ZNF385D: variants seen among roughly 807,000 people sequenced by gnomAD.
The protein encoded by ZNF385D is zinc finger protein 385D, also known as zinc finger protein 659.
A neutral mutation model predicts 35.8 loss-of-function variants in ZNF385D; 15 were observed. The observed-to-expected ratio is 0.42, with a 90% CI of 0.28 to 0.64. The LOEUF is 0.64. ZNF385D is among the 30% of genes least tolerant of loss of function. The probability of loss-of-function intolerance (pLI) is 0.23; values close to 1 mark genes in which losing one functional copy is unlikely to be tolerated. For missense variants in ZNF385D, 474 were observed against 494.6 expected (o/e 0.96, Z 0.39); for synonymous variants, 212 against 186.8 (o/e 1.13, Z -1.10).
intron 4 of ZNF385D, among the ~76,000 whole-genome samples, chr3:21,510,609 G>C (rs1707130021): frequency 6.6e-6 from 1 of 152,072 alleles, no homozygotes; most frequent in Non-Finnish European, 1.5e-5. Context: ...GGCTTCAAAT[G>C]CCTTTTATGA....
At chr3:22,098,154 T>G (rs996784546) in intron 3 of ZNF385D, among the ~76,000 whole-genome samples, 3 of 152,004 alleles carry the variant, frequency 2.0e-5, no homozygotes, top group Admixed American at 6.6e-5. Flanking sequence ...TTTCAGGAAG[T>G]TGAGTTCAAG....
chr3:21,732,062 T>TGAGAACGGAG (rs2069039237), intron 1 of ZNF385D, among the ~76,000 whole-genome samples: 1 of 99,174 alleles, frequency 1.0e-5, no homozygotes, highest in East Asian at 2.6e-4. Flanking sequence ...TTTTTTTTTT[T>TGAGAACGGAG]TTTTTTTGAG....
intron 7 of ZNF385D, among the ~76,000 whole-genome samples, chr3:21,422,483 C>G (rs576716402): frequency 6.6e-6 from 1 of 152,176 alleles, no homozygotes; most frequent in Non-Finnish European, 1.5e-5. Context: ...TTCTCCCTAA[C>G]TCATTCTATG....
intron 3 of ZNF385D, among the ~76,000 whole-genome samples, chr3:21,863,379 A>T (rs923074401): frequency 2.0e-5 from 3 of 152,152 alleles, no homozygotes; most frequent in African/African-American, 7.2e-5. Context: ...GAGCCACTGT[A>T]GGCAGTCATT....
At chr3:21,919,015 C>A (rs1658619310) in intron 3 of ZNF385D, among the ~76,000 whole-genome samples, 1 of 152,178 alleles carries the variant, frequency 6.6e-6, no homozygotes, top group East Asian at 1.9e-4. Flanking sequence ...TCTTTACTTG[C>A]TATCAGATTG....
intron 2 of ZNF385D, among the ~76,000 whole-genome samples, chr3:22,182,814 T>G (rs1336282292): frequency 6.6e-6 from 1 of 152,070 alleles, no homozygotes; most frequent in Admixed American, 6.6e-5. Flanking sequence ...GGTAGTAAAT[T>G]TAAGATAAAA....
At chr3:21,840,417 G>A (rs1695591208) in intron 3 of ZNF385D, among the ~76,000 whole-genome samples, 1 of 152,054 alleles carries the variant, frequency 6.6e-6, no homozygotes, top group East Asian at 1.9e-4. Context: ...AAGATAGCAT[G>A]CTTCCTATTC....
At chr3:21,787,059 A>G (rs1232746067) in intron 3 of ZNF385D, among the ~76,000 whole-genome samples, 6 of 152,232 alleles carry the variant, frequency 3.9e-5, no homozygotes, top group Non-Finnish European at 8.8e-5. Context: ...AGAGCATAGT[A>G]ATAAGAGAGC....
At chr3:21,432,374 TA>T (rs1294806700) in intron 5 of ZNF385D, among the ~76,000 whole-genome samples, 1 of 152,182 alleles carries the variant, frequency 6.6e-6, no homozygotes, top group East Asian at 1.9e-4. Context: ...CTTTTCTGCA[TA>T]TTGAAACTTG....
intron 2 of ZNF385D, among the ~76,000 whole-genome samples, chr3:21,627,331 A>G (rs1353544714): frequency 6.6e-6 from 1 of 151,276 alleles, no homozygotes; most frequent in Non-Finnish European, 1.5e-5. Context: ...GCTATGGGAC[A>G]ACTAATGAGA....
At chr3:21,855,949 G>C (rs1290273348) in intron 3 of ZNF385D, among the ~76,000 whole-genome samples, 2 of 151,910 alleles carry the variant, frequency 1.3e-5, no homozygotes, top group East Asian at 3.9e-4. Context: ...CACAGAACTG[G>C]ATGAAATCTG....
intron 2 of ZNF385D, among the ~76,000 whole-genome samples, chr3:21,659,944 A>C (rs769451028): frequency 3.9e-5 from 6 of 152,128 alleles, no homozygotes; most frequent in African/African-American, 1.4e-4. Flanking sequence ...ATTTCATAGG[A>C]GAAGCACTGC....
chr3:21,698,273 A>C (rs1430409040), intron 1 of ZNF385D, among the ~76,000 whole-genome samples: 1 of 152,192 alleles, frequency 6.6e-6, no homozygotes, highest in African/African-American at 2.4e-5. Flanking sequence ...CAGCCATAAA[A>C]ATAACAAAAT....
intron 2 of ZNF385D, among the ~76,000 whole-genome samples, chr3:21,645,961 C>T (rs1370645460): frequency 6.6e-6 from 1 of 151,966 alleles, no homozygotes; most frequent in Admixed American, 6.6e-5. Context: ...TGTCTTCTAC[C>T]TCAAAATGCA....
intron 3 of ZNF385D, among the ~76,000 whole-genome samples, chr3:21,792,322 C>T (rs2071964213): frequency 6.6e-6 from 1 of 152,162 alleles, no homozygotes; most frequent in African/African-American, 2.4e-5. Context: ...GTGACAACCA[C>T]TCTTTGTCTC....
At chr3:21,807,587 A>G (rs530594817) in intron 3 of ZNF385D, among the ~76,000 whole-genome samples, 4 of 152,330 alleles carry the variant, frequency 2.6e-5, no homozygotes, top group African/African-American at 9.6e-5. Flanking sequence ...TAGTGAATAT[A>G]TTCTCATTAT....
intron 2 of ZNF385D, among the ~76,000 whole-genome samples, chr3:22,304,399 T>C (rs890601754): frequency 3.9e-5 from 6 of 152,232 alleles, no homozygotes; most frequent in African/African-American, 1.2e-4. Flanking sequence ...GATATTGACA[T>C]GCAAATTTTA....
At chr3:21,736,645 A>G (rs1040151872) in intron 1 of ZNF385D, among the ~76,000 whole-genome samples, 42 of 152,168 alleles carry the variant, frequency 2.8e-4, no homozygotes, top group Admixed American at 2.7e-3. Flanking sequence ...TTATGGCACC[A>G]CTGCCTTTTT....
At position 21,762,573 on chromosome 3, in the gene ZNF385D, C is replaced by T. The variant is rs138173463; in HGVS notation, c.326-97545G>A. Among the ~76,000 whole-genome samples the T allele has an allele frequency of 2.3e-3, 354 of 152,240 alleles. 1 individual carries two copies. The highest frequency in any genetic ancestry group is 8.2e-3 in the African/African-American group (339 of 41,540). Reference sequence around the variant, plus strand: ...GTTTTTAATGTAAAACCTCATTTGGCAAAATTAATATGTCTCATCTATTTT... The same window carrying T: ...GTTTTTAATGTAAAACCTCATTTGGTAAAATTAATATGTCTCATCTATTTT... On this transcript the variant is annotated intron_variant, in intron 3 of 5. Transcript: ENST00000494108.
Sources: gnomAD v4.1 joint callset for allele counts (sites outside exome capture counted in the v4.1 genomes callset) on GRCh38, gnomAD v4.1.1 for gene constraint, MANE v1.5 for transcripts, NCBI Gene and HGNC (gene_info 2026-07-23, HGNC 2026-07-21) for gene names.